Variants in ACBD3 observed in about 807,000 individuals in gnomAD.
The protein encoded by ACBD3 is Golgi resident protein GCP60.
ACBD3 carries 30 observed loss-of-function variants against 66.9 expected under a neutral mutation model. The ratio of observed to expected loss-of-function variants is 0.45; its 90% CI spans 0.34 to 0.61. The LOEUF (loss-of-function observed/expected upper bound fraction) is 0.61. Among genes scored for constraint, ACBD3 ranks in the 20% least tolerant of loss-of-function variants. ACBD3 has a pLI of 0.02. For missense variants in ACBD3, 544 were observed against 664.5 expected (o/e 0.82, Z 1.99); for synonymous variants, 278 against 259.8 (o/e 1.07, Z -0.68).
chr1:226,175,049 T>G (rs1244449366), intron 1 of ACBD3, among the ~76,000 whole-genome samples: 1 of 141,734 alleles, frequency 7.1e-6, no homozygotes, highest in Non-Finnish European at 1.5e-5. Flanking sequence ...GAGCCGAAAT[T>G]GCCACTGTGT....
chr1:226,164,485 G>A (rs1659834557), intron 3 of ACBD3, among the ~76,000 whole-genome samples: 1 of 152,170 alleles, frequency 6.6e-6, no homozygotes, highest in Non-Finnish European at 1.5e-5. Context: ...AGGGAGGAGG[G>A]AGTGGTTGAG....
At position 226,186,339 on chromosome 1, in the gene ACBD3, G is replaced by C. The variant is rs562368558; in HGVS notation, c.286+51C>G. ...CACCCTGGGGACCACAGCCCACGCC[G>C]GGCTCCCGGGGCCGGGCAGAAGCGG... On this transcript the variant is annotated intron_variant, in intron 1 of 7. Transcript: ENST00000366812. 21 of 1,466,040 alleles carry C rather than the reference G, an allele frequency of 1.4e-5. No individual in the cohort carries two copies. The Admixed American group carries it at 5.0e-4, about 35-fold the overall frequency. The allele number at this position is 1,466,040 out of a possible 1,614,324, so 90.8% of individuals were successfully genotyped here.
In ACBD3 at chr1:226,146,663, AG is replaced by A; in HGVS notation, c.1533del (p.Tyr512ThrfsTer27). The A allele has an allele frequency of 6.2e-7, 1 of 1,614,058 alleles. No homozygotes were observed. Among genetic ancestry groups the A allele is most frequent in the Non-Finnish European group, 8.5e-7 (1 of 1,180,016 alleles). ...RGVYLLKFDN[S>X]YSLWRSKSVY... ...ACTGATTTTGACCGCCACAAAGAGT[AG>A]GAGTTGTCAAACTTGAGGAGATAGA... On this transcript the variant is annotated frameshift_variant, in exon 8 of 8. Transcript: ENST00000366812. LOFTEE classifies it high-confidence loss of function.
chr1:226,184,954 CAAAA>C (rs56165469), intron 1 of ACBD3, among the ~76,000 whole-genome samples: 1 of 91,150 alleles, frequency 1.1e-5, no homozygotes, highest in Admixed American at 1.3e-4. Flanking sequence ...GACTCCAGCT[CAAAA>C]AAAAAAAAAA....
At chr1:226,164,683 G>A (rs2102782365) in intron 3 of ACBD3, 106 bp downstream of exon 3, 1 of 1,276,460 alleles carries the variant, frequency 7.8e-7, no homozygotes, top group African/African-American at 1.5e-5. Flanking sequence ...GGGATCCAAG[G>A]AAAGCAAGAC....
chr1:226,178,726 A>C (rs1656107514), intron 1 of ACBD3, among the ~76,000 whole-genome samples: 2 of 152,188 alleles, frequency 1.3e-5, no homozygotes, highest in African/African-American at 4.8e-5. Flanking sequence ...AGAAGGCCAT[A>C]AAATCTACGG....
In ACBD3 at chr1:226,159,373, A is replaced by T; in HGVS notation, c.729-15T>A. 1 of 1,613,368 alleles carries T rather than the reference A, an allele frequency of 6.2e-7. No homozygotes were observed. The highest frequency in any genetic ancestry group is 8.5e-7 in the Non-Finnish European group (1 of 1,179,382). On this transcript the variant is annotated splice_polypyrimidine_tract_variant and intron_variant, in intron 4 of 7. Transcript: ENST00000366812. ...TTATCTGCTGCCTAAAAACATTAAAAATATATATACTAGTCTGGCTACAGG... is the reference window on the plus strand; with the variant it reads ...TTATCTGCTGCCTAAAAACATTAAATATATATATACTAGTCTGGCTACAGG...
intron 1 of ACBD3, among the ~76,000 whole-genome samples, chr1:226,177,131 C>G (rs1310905187): frequency 6.7e-6 from 1 of 150,252 alleles, no homozygotes; most frequent in Non-Finnish European, 1.5e-5. Flanking sequence ...AGTCACTGCA[C>G]AATGCGGCAG....
In ACBD3 at chr1:226,186,433, G is replaced by C. The variant is rs753573490; in HGVS notation, c.243C>G (p.Phe81Leu). Residue 81 changes from phenylalanine (F) to leucine (L), a missense_variant, in exon 1 of 8, where the codon TTC becomes TTG. Phe to Leu is a conservative substitution (Grantham distance 22). This residue lies in a region of ACBD3 where 137 missense variants were observed against 145.9 expected (regional missense o/e 0.94). Transcript: ENST00000366812. ...CCAGGCCGTACAACTCCTCCAGGCC[G>C]AAACCCCAGCGCTGCTCCAGCCGCC... ...EARRLEQRWG[F>L]GLEELYGLAL... The C allele has an allele frequency of 6.6e-7, 1 of 1,525,734 alleles. No homozygotes were observed. 94.5% of individuals were successfully genotyped at this position (1,525,734 alleles called of 1,614,324 possible).
At chr1:226,162,808 T>G (rs1460815281) in intron 3 of ACBD3, among the ~76,000 whole-genome samples, 3 of 151,956 alleles carry the variant, frequency 2.0e-5, no homozygotes, top group African/African-American at 7.2e-5. Flanking sequence ...ATTTTTTTTT[T>G]TTTTTTGAGA....
At chr1:226,158,971 C>A (rs1369170389) in intron 5 of ACBD3, among the ~76,000 whole-genome samples, 2 of 152,222 alleles carry the variant, frequency 1.3e-5, no homozygotes, top group African/African-American at 4.8e-5. Context: ...ACCCTTATGA[C>A]AATATAACAT....
At chr1:226,166,067 T>C (rs1185290037) in intron 1 of ACBD3, 67 bp from the exon 2 acceptor site, 1 of 1,478,362 alleles carries the variant, frequency 6.8e-7, no homozygotes, top group Non-Finnish European at 9.0e-7. Flanking sequence ...CAGCATTATA[T>C]ACTAAAGCTT....
chr1:226,169,888 G>A (rs1361416624), intron 1 of ACBD3, among the ~76,000 whole-genome samples: 1 of 151,628 alleles, frequency 6.6e-6, no homozygotes, highest in African/African-American at 2.4e-5. Context: ...TGGGTGTGGT[G>A]GTACAGCACA....
Position 226,146,763 on chromosome 1 carries a change from C to T in ACBD3, c.1434G>A (p.Glu478=), listed in dbSNP as rs1290667014. The change falls in exon 8 of 8, where the codon GAG becomes GAA. Residue 478 remains glutamate (E), a synonymous_variant. Coordinates refer to ENST00000366812, the MANE Select transcript of ACBD3 (RefSeq NM_022735.4). The part of the protein sequence containing the change: ...KKNANKPLLD[E]IVPVYRRDCH... ...AGTCCCGTCGGTACACAGGCACAAT[C>T]TCATCCAGCAAAGGCTTGTTGGCAT... is the stretch of plus-strand genomic sequence containing the variant. The T allele has an allele frequency of 1.2e-6, 2 of 1,614,186 alleles. No individual in the cohort carries two copies. Among genetic ancestry groups the T allele is most frequent in the East Asian group, 4.5e-5 (2 of 44,886 alleles).
At chr1:226,184,803 T>G (rs1474009226) in intron 1 of ACBD3, among the ~76,000 whole-genome samples, 2 of 151,822 alleles carry the variant, frequency 1.3e-5, no homozygotes, top group Non-Finnish European at 2.9e-5. Flanking sequence ...ATTGAAGCGA[T>G]TCTTTTTTTT....
At chr1:226,164,722 T>C in intron 3 of ACBD3, 67 bp downstream of exon 3, 1 of 1,485,838 alleles carries the variant, frequency 6.7e-7, no homozygotes, top group Non-Finnish European at 9.0e-7. Flanking sequence ...ACAGACACTC[T>C]ACAAAACAAA....
intron 1 of ACBD3, among the ~76,000 whole-genome samples, chr1:226,168,962 A>G (rs1004037435): frequency 1.3e-5 from 2 of 151,952 alleles, no homozygotes; most frequent in African/African-American, 4.8e-5. Flanking sequence ...TCTTGGGTTC[A>G]AGTGATTCTC....
chr1:226,182,468 G>C (rs1213046550), intron 1 of ACBD3, among the ~76,000 whole-genome samples: 1 of 152,068 alleles, frequency 6.6e-6, no homozygotes, highest in African/African-American at 2.4e-5. Flanking sequence ...ACAAAAATTA[G>C]CTGGGTGTGG....
chr1:226,180,451 A>C (rs575671598), intron 1 of ACBD3, among the ~76,000 whole-genome samples: 14 of 152,254 alleles, frequency 9.2e-5, no homozygotes, highest in Non-Finnish European at 1.6e-4. Flanking sequence ...AAAGCACAAA[A>C]AGTTAACAAA....
Sources: allele counts gnomAD v4.1 joint callset (sites outside exome capture counted in the v4.1 genomes callset), GRCh38; gene constraint gnomAD v4.1.1; regional missense constraint gnomAD v4.1.1; transcripts MANE v1.5; gene names NCBI Gene and HGNC (gene_info 2026-07-23, HGNC 2026-07-21).